The following SLC4A4 variants were observed in gnomAD, a reference collection of about 807,000 sequenced individuals.
SLC4A4 encodes the protein solute carrier family 4 member 4, also known as electrogenic sodium bicarbonate cotransporter 1.
In SLC4A4, 27 loss-of-function variants were observed where a neutral mutation model predicts 111.5. The ratio of observed to expected loss-of-function variants is 0.24; its 90% CI spans 0.18 to 0.33. The LOEUF (loss-of-function observed/expected upper bound fraction) is 0.33. Ranked by LOEUF, SLC4A4 falls within the 10% of genes least tolerant of loss-of-function variation. SLC4A4 has a pLI of 1.00. For missense variants in SLC4A4, 909 were observed against 1,315.5 expected, an observed-to-expected ratio of 0.69 and a Z score of 4.78; for synonymous variants, 443 against 463.4, an observed-to-expected ratio of 0.96 and a Z score of 0.57.
chr4:71,330,767 C>G (rs1727911239), intron 3 of SLC4A4, among the ~76,000 whole-genome samples: 1 of 151,958 alleles, frequency 6.6e-6, no homozygotes, highest in Non-Finnish European at 1.5e-5. Flanking sequence ...TTCTGCACAG[C>G]AAAAGAAACT....
At chr4:71,450,643 T>A in intron 10 of SLC4A4, 100 bp downstream of exon 10, 2 of 1,150,808 alleles carry the variant, frequency 1.7e-6, no homozygotes, top group Admixed American at 4.1e-5. Flanking sequence ...GTTCTAATAT[T>A]TTCAGGTTCC....
intron 3 of SLC4A4, among the ~76,000 whole-genome samples, chr4:71,316,338 A>G (rs1726674920): frequency 6.6e-6 from 1 of 152,094 alleles, no homozygotes; most frequent in African/African-American, 2.4e-5. Flanking sequence ...ACCTTAACAA[A>G]TAACTCTATC....
chr4:71,187,790 G>A (rs1745550902), intron 1 of SLC4A4, among the ~76,000 whole-genome samples: 1 of 151,800 alleles, frequency 6.6e-6, no homozygotes, highest in Non-Finnish European at 1.5e-5. Context: ...CCTGTGACCA[G>A]GCACCTGCTT....
chr4:71,320,252 T>G (rs1276863382), intron 3 of SLC4A4, among the ~76,000 whole-genome samples: 2 of 152,046 alleles, frequency 1.3e-5, no homozygotes, highest in Admixed American at 6.6e-5. Flanking sequence ...CTCCTACATA[T>G]CAACACTGGG....
intron 3 of SLC4A4, among the ~76,000 whole-genome samples, chr4:71,332,591 C>A (rs1053519865): frequency 3.9e-5 from 6 of 151,998 alleles, no homozygotes; most frequent in Admixed American, 2.6e-4. Flanking sequence ...ACTACAGGCG[C>A]CCGCCACTGC....
intron 3 of SLC4A4, among the ~76,000 whole-genome samples, chr4:71,258,474 A>G (rs1195686137): frequency 6.6e-6 from 1 of 152,060 alleles, no homozygotes; most frequent in African/African-American, 2.4e-5. Flanking sequence ...CTGTTGCTGG[A>G]TTGTAAACTC....
chr4:71,210,088 C>G (rs1359609026), intron 1 of SLC4A4, among the ~76,000 whole-genome samples: 7 of 152,200 alleles, frequency 4.6e-5, no homozygotes, highest in African/African-American at 1.7e-4. Flanking sequence ...TCACATATTT[C>G]TGGTGCTTTT....
intron 3 of SLC4A4, among the ~76,000 whole-genome samples, chr4:71,314,390 C>A (rs1444269229): frequency 1.3e-5 from 2 of 152,170 alleles, no homozygotes; most frequent in Non-Finnish European, 1.5e-5. Context: ...CCAGAAATAA[C>A]ATTTGACCCA....
chr4:71,307,925 C>T (rs189800563), intron 3 of SLC4A4, among the ~76,000 whole-genome samples: 409 of 152,256 alleles, frequency 2.7e-3, no homozygotes, highest in Non-Finnish European at 4.6e-3. Context: ...AATACCCTCC[C>T]TCTTACACTG....
intron 16 of SLC4A4, among the ~76,000 whole-genome samples, chr4:71,525,689 T>A (rs1733358699): frequency 6.6e-6 from 1 of 152,110 alleles, no homozygotes; most frequent in Non-Finnish European, 1.5e-5. Flanking sequence ...GGGCATGAAC[T>A]CTTGAGGGAA....
chr4:71,363,862 A>G (rs1314057142), intron 6 of SLC4A4, among the ~76,000 whole-genome samples: 1 of 152,246 alleles, frequency 6.6e-6, no homozygotes, highest in Non-Finnish European at 1.5e-5. Flanking sequence ...GAAAGTTGCT[A>G]GCAAAGTGCC....
chr4:71,138,308 G>T (rs1382852353), intron 2 of SLC4A4, among the ~76,000 whole-genome samples: 1 of 151,852 alleles, frequency 6.6e-6, no homozygotes, highest in Non-Finnish European at 1.5e-5. Context: ...TAGTTTTCAG[G>T]CCAGGCTCTT....
chr4:71,196,072 A>C (rs1172578070), intron 1 of SLC4A4, among the ~76,000 whole-genome samples: 1 of 152,224 alleles, frequency 6.6e-6, no homozygotes, highest in African/African-American at 2.4e-5. Flanking sequence ...TGCACTCCTG[A>C]AACTCTCTCC....
At chr4:71,322,904 C>T (rs1382157657) in intron 3 of SLC4A4, among the ~76,000 whole-genome samples, 1 of 151,900 alleles carries the variant, frequency 6.6e-6, no homozygotes, top group Non-Finnish European at 1.5e-5. Flanking sequence ...CCCCATTGTT[C>T]TATGCCCATG....
intron 16 of SLC4A4, among the ~76,000 whole-genome samples, chr4:71,523,683 A>G (rs948957503): frequency 6.6e-6 from 1 of 152,054 alleles, no homozygotes; most frequent in Non-Finnish European, 1.5e-5. Context: ...ACTAACACAA[A>G]ATGGTCTCCT....
intron 1 of SLC4A4, among the ~76,000 whole-genome samples, chr4:71,064,057 C>A (rs1256726104): frequency 1.3e-5 from 2 of 151,992 alleles, no homozygotes; most frequent in East Asian, 3.9e-4. Flanking sequence ...AATACATACA[C>A]CTACTATGTA....
chr4:71,313,316 A>G (rs1325839654), intron 3 of SLC4A4, among the ~76,000 whole-genome samples: 1 of 152,184 alleles, frequency 6.6e-6, no homozygotes, highest in Admixed American at 6.5e-5. Flanking sequence ...ATGCTCATGG[A>G]TACAAGAATC....
chr4:71,110,011 A>G (rs1420200191), intron 2 of SLC4A4, among the ~76,000 whole-genome samples: 1 of 152,132 alleles, frequency 6.6e-6, no homozygotes, highest in Non-Finnish European at 1.5e-5. Context: ...GCTGAAATTG[A>G]TGAAAATTAT....
intron 3 of SLC4A4, among the ~76,000 whole-genome samples, chr4:71,256,754 A>G (rs1027028662): frequency 2.0e-5 from 3 of 152,194 alleles, no homozygotes; most frequent in Non-Finnish European, 4.4e-5. Flanking sequence ...GAGGAACAAA[A>G]GATAACATTC....
Sources: allele counts gnomAD v4.1 joint callset (sites outside exome capture counted in the v4.1 genomes callset), GRCh38; gene constraint gnomAD v4.1.1; transcripts MANE v1.5; gene names NCBI Gene and HGNC (gene_info 2026-07-23, HGNC 2026-07-21).